Variants in ZPBP observed in about 807,000 individuals in gnomAD.
ZPBP encodes the protein zona pellucida binding protein, also known as zona pellucida-binding protein 1.
In ZPBP, 26 loss-of-function variants were observed where a neutral mutation model predicts 44.8. That is an observed-to-expected ratio of 0.58 (90% CI 0.43 to 0.81). ZPBP has a LOEUF of 0.81. ZPBP is among the 30% of genes least tolerant of loss of function. ZPBP has a pLI of 0.00. For missense variants in ZPBP, 409 were observed against 434.0 expected (o/e 0.94, Z 0.51); for synonymous variants, 174 against 153.2 (o/e 1.14, Z -1.00).
At chr7:49,973,023 C>T (rs1372087175) in intron 7 of ZPBP, among the ~76,000 whole-genome samples, 1 of 151,980 alleles carries the variant, frequency 6.6e-6, no homozygotes, top group East Asian at 1.9e-4. Flanking sequence ...TGGATATCCA[C>T]ATGCAAATGA....
intron 4 of ZPBP, among the ~76,000 whole-genome samples, chr7:50,043,425 G>A (rs1005452781): frequency 1.3e-5 from 2 of 152,154 alleles, no homozygotes; most frequent in African/African-American, 2.4e-5. Flanking sequence ...CTGTATTCAG[G>A]AGATCCATCT....
chr7:50,005,136 C>T (rs1009004839), intron 6 of ZPBP, among the ~76,000 whole-genome samples: 2 of 150,946 alleles, frequency 1.3e-5, no homozygotes, highest in Non-Finnish European at 2.9e-5. Flanking sequence ...ATTTCAAGTG[C>T]TAAAAAAATT....
At chr7:50,004,625 C>A (rs1474748619) in intron 6 of ZPBP, among the ~76,000 whole-genome samples, 3 of 152,008 alleles carry the variant, frequency 2.0e-5, no homozygotes, top group African/African-American at 7.3e-5. Flanking sequence ...AACAGAAATT[C>A]TGGAGGTTAC....
At chr7:49,947,803 A>T (rs921343917) in intron 7 of ZPBP, among the ~76,000 whole-genome samples, 6 of 152,210 alleles carry the variant, frequency 3.9e-5, no homozygotes, top group Non-Finnish European at 8.8e-5. Context: ...CCTGTTGGTA[A>T]GTTTCTTCCA....
intron 2 of ZPBP, among the ~76,000 whole-genome samples, chr7:49,899,408 A>G (rs912356811): frequency 6.6e-6 from 1 of 152,044 alleles, no homozygotes. Context: ...ACCATGGGTA[A>G]CTGAAACCAT....
At chr7:49,873,746 AT>A (rs1313909062) in intron 2 of ZPBP, among the ~76,000 whole-genome samples, 1 of 152,234 alleles carries the variant, frequency 6.6e-6, no homozygotes, top group Non-Finnish European at 1.5e-5. Context: ...TATTTGTTAA[AT>A]CATTGTTATT....
At chr7:50,045,675 T>C (rs1409183914) in intron 4 of ZPBP, among the ~76,000 whole-genome samples, 5 of 152,228 alleles carry the variant, frequency 3.3e-5, no homozygotes, top group Non-Finnish European at 7.3e-5. Flanking sequence ...AAACATTCCA[T>C]GTTCATGGAT....
chr7:49,845,817 G>A (rs1789929086), downstream of ZPBP, among the ~76,000 whole-genome samples: 1 of 152,178 alleles, frequency 6.6e-6, no homozygotes, highest in South Asian at 2.1e-4. Context: ...CTTGTGATGT[G>A]GGAGTGGCAA....
intron 3 of ZPBP, among the ~76,000 whole-genome samples, chr7:50,075,841 C>T (rs1802050116): frequency 1.3e-5 from 2 of 151,952 alleles, no homozygotes; most frequent in South Asian, 4.1e-4. Context: ...AGAAATAATA[C>T]CAATCCTACT....
chr7:49,975,871 T>C (rs1488043225), intron 7 of ZPBP, among the ~76,000 whole-genome samples: 1 of 152,212 alleles, frequency 6.6e-6, no homozygotes, highest in Non-Finnish European at 1.5e-5. Context: ...ATCGTTTCAG[T>C]GAAATATTTT....
At chr7:50,010,908 C>CAAAAAAAAAA (rs71554292) in intron 6 of ZPBP, among the ~76,000 whole-genome samples, 8 of 92,420 alleles carry the variant, frequency 8.7e-5, no homozygotes, top group African/African-American at 2.2e-4. Flanking sequence ...CAAGACCAAG[C>CAAAAAAAAAA]AAAAAAAAAA....
intron 4 of ZPBP, among the ~76,000 whole-genome samples, chr7:50,034,994 C>T (rs144402577): frequency 1.3e-5 from 2 of 152,328 alleles, no homozygotes; most frequent in East Asian, 1.9e-4. Context: ...TCTATTTGCC[C>T]GATGGCAGGA....
chr7:50,003,007 G>C (rs1378059579), intron 6 of ZPBP, among the ~76,000 whole-genome samples: 1 of 152,120 alleles, frequency 6.6e-6, no homozygotes, highest in East Asian at 1.9e-4. Context: ...TTATTCCAAA[G>C]CTAAAACAGA....
chr7:50,071,019 T>G (rs1801807899), intron 3 of ZPBP, among the ~76,000 whole-genome samples: 2 of 152,214 alleles, frequency 1.3e-5, no homozygotes, highest in Non-Finnish European at 2.9e-5. Context: ...TGGGTTTTCT[T>G]ACACACAACT....
chr7:49,965,615 G>C (rs148717893), intron 7 of ZPBP, among the ~76,000 whole-genome samples: 40 of 152,160 alleles, frequency 2.6e-4, no homozygotes, highest in African/African-American at 9.6e-4. Context: ...AAATACATGA[G>C]AGTTTTTTTG....
intron 2 of ZPBP, among the ~76,000 whole-genome samples, chr7:49,864,357 A>G (rs1445280185): frequency 6.6e-6 from 1 of 152,226 alleles, no homozygotes; most frequent in Non-Finnish European, 1.5e-5. Flanking sequence ...TGGATTTCCC[A>G]GGAGCCTCAG....
intron 2 of ZPBP, among the ~76,000 whole-genome samples, chr7:50,085,094 T>A (rs12718239): frequency 6.6e-6 from 1 of 151,888 alleles, no homozygotes; most frequent in Non-Finnish European, 1.5e-5. Flanking sequence ...TAAAATGAAG[T>A]CATCAGGCTG....
At chr7:49,984,719 G>T (rs138185632) in intron 6 of ZPBP, among the ~76,000 whole-genome samples, 4 of 152,264 alleles carry the variant, frequency 2.6e-5, no homozygotes, top group African/African-American at 9.6e-5. Flanking sequence ...ATCAGGCCAT[G>T]GACTGGTACT....
At chr7:49,943,113 T>G (rs1458482757) in intron 7 of ZPBP, 2 of 328,450 alleles carry the variant, frequency 6.1e-6, no homozygotes, top group Non-Finnish European at 1.2e-5. Flanking sequence ...CCACCCACAG[T>G]CAGTAAGTCA....
Sources: gnomAD v4.1 joint callset for allele counts (sites outside exome capture counted in the v4.1 genomes callset) on GRCh38, gnomAD v4.1.1 for gene constraint, MANE v1.5 for transcripts, NCBI Gene and HGNC (gene_info 2026-07-23, HGNC 2026-07-21) for gene names.